TVP23C: variants seen among roughly 807,000 people sequenced by gnomAD.
TVP23C encodes the protein Golgi apparatus membrane protein TVP23 homolog C.
In TVP23C, 19 loss-of-function variants were observed where a neutral mutation model predicts 28.7. The observed-to-expected ratio is 0.66, with a 90% CI of 0.46 to 0.97. TVP23C has a LOEUF of 0.97. Ranked by LOEUF, TVP23C falls within the 50% of genes least tolerant of loss-of-function variation. The pLI, the probability that TVP23C is intolerant of heterozygous loss-of-function variation, is 0.00. For synonymous variants in TVP23C, 68 were observed against 81.7 expected, an observed-to-expected ratio of 0.83 and a Z score of 0.90; for missense variants, 186 against 241.3, an observed-to-expected ratio of 0.77 and a Z score of 1.52.
At chr17:15,503,271 G>C (rs1981569624) in intron 5 of TVP23C, 4 of 1,449,778 alleles carry the variant, frequency 2.8e-6, no homozygotes, top group Non-Finnish European at 3.6e-6. Context: ...GCCAGGTGTA[G>C]TGGCGCGCCT....
intron 1 of TVP23C, among the ~76,000 whole-genome samples, chr17:15,559,484 T>G (rs1270749913): frequency 6.7e-6 from 1 of 148,732 alleles, no homozygotes; most frequent in African/African-American, 2.4e-5. Context: ...AAAAAAGCAT[T>G]GAAAGGGAGA....
At chr17:15,540,704 T>C (rs1042766273) in intron 5 of TVP23C, 143 bp from the exon 6 acceptor site, 16 of 606,758 alleles carry the variant, frequency 2.6e-5, no homozygotes, top group South Asian at 2.4e-4. Context: ...AGTTGAGATT[T>C]TCCAGAGACA....
intron 5 of TVP23C, among the ~76,000 whole-genome samples, chr17:15,507,519 T>G (rs1373464417): frequency 6.6e-6 from 1 of 152,192 alleles, no homozygotes; most frequent in Non-Finnish European, 1.5e-5. Context: ...AGCTGGATTG[T>G]AGAGTTAAGT....
exon 6 of TVP23C, chr17:15,502,675 CCT>C: frequency 2.0e-6 from 2 of 1,024,556 alleles, no homozygotes; most frequent in Non-Finnish European, 2.7e-6. Flanking sequence ...GCCCTTTTCC[CCT>C]TAGTTTTACA....
intron 2 of TVP23C, among the ~76,000 whole-genome samples, chr17:15,555,053 G>GCACAGAA: frequency 6.6e-6 from 1 of 152,184 alleles, no homozygotes; most frequent in Non-Finnish European, 1.5e-5. Flanking sequence ...AAAAACACAG[G>GCACAGAA]TGTTCAAATA....
chr17:15,527,998 T>A (rs1181696119), intron 5 of TVP23C, among the ~76,000 whole-genome samples: 1 of 152,236 alleles, frequency 6.6e-6, no homozygotes, highest in East Asian at 1.9e-4. Flanking sequence ...ATTAGTGGTA[T>A]CTTTTCTTTC....
chr17:15,549,573 G>A (rs896325487), intron 3 of TVP23C, among the ~76,000 whole-genome samples: 3 of 152,070 alleles, frequency 2.0e-5, no homozygotes, highest in African/African-American at 7.3e-5. Context: ...CAGCTATCTA[G>A]GAGGGTGAGG....
chr17:15,518,174 A>C (rs1982314331), intron 5 of TVP23C, among the ~76,000 whole-genome samples: 1 of 151,382 alleles, frequency 6.6e-6, no homozygotes, highest in Admixed American at 6.6e-5. Flanking sequence ...TCTCAAAAAA[A>C]AAAAAAAAAA....
chr17:15,538,742 G>T lies in TVP23C; in HGVS notation c.*1670C>A, dbSNP rs551421804. 1.6e-5 allele frequency: 16 copies of T among 985,380 alleles called. No homozygotes were observed. Among genetic ancestry groups the T allele is most frequent in the Admixed American group, 6.1e-5 (1 of 16,282 alleles). The allele number at this position is 985,380 out of a possible 1,614,324, so 61.0% of individuals were successfully genotyped here. ...CTATCCATGTTATGCCAGGTTTAAG[G>T]TTTAATTTCACCTGTATTCCATGTT... On this transcript the variant is annotated 3_prime_UTR_variant, in exon 6 of 6. Transcript: ENST00000518321.
rs1597531521 is a variant in TVP23C at position 15,540,277 on chromosome 17, T to C, written c.*135A>G. On this transcript the variant is annotated 3_prime_UTR_variant, in exon 6 of 6. Coordinates refer to ENST00000518321, the MANE Select transcript of TVP23C (RefSeq NM_001135036.2). ...ACTGACAATACACTTCCAGACTGTCTTGAACACCCCCAAAGAGCAATTACA... is the reference window on the plus strand; with the variant it reads ...ACTGACAATACACTTCCAGACTGTCCTGAACACCCCCAAAGAGCAATTACA... 6 of 1,366,006 alleles carry C rather than the reference T, an allele frequency of 4.4e-6. No individual in the cohort carries two copies. The South Asian group carries it at 9.7e-5, about 22-fold the overall frequency. 84.6% of individuals were successfully genotyped at this position (1,366,006 alleles called of 1,614,324 possible). A position where few individuals can be genotyped will look rare whatever the true frequency, so the allele number is the denominator to read the frequency against.
chr17:15,539,643 G>T lies in TVP23C; in HGVS notation c.*769C>A, dbSNP rs1002505757. 3 of 983,322 alleles carry T rather than the reference G, an allele frequency of 3.1e-6. No homozygotes were observed. The highest frequency in any genetic ancestry group is 2.4e-6 in the Non-Finnish European group (2 of 828,862). 60.9% of individuals were successfully genotyped at this position (983,322 alleles called of 1,614,324 possible). A position where few individuals can be genotyped will look rare whatever the true frequency, so the allele number is the denominator to read the frequency against. ...AAAGACCTAGTCACTTTTCCCAAGA[G>T]ATTTAACCAATAATTATTTACCTAT... On this transcript the variant is annotated 3_prime_UTR_variant, in exon 6 of 6. Coordinates refer to ENST00000518321, the MANE Select transcript of TVP23C (RefSeq NM_001135036.2).
At chr17:15,524,780 G>C (rs1184813439) in intron 5 of TVP23C, among the ~76,000 whole-genome samples, 1 of 152,140 alleles carries the variant, frequency 6.6e-6, no homozygotes, top group Non-Finnish European at 1.5e-5. Context: ...GGAAGGTTTT[G>C]CTGCTTGAAA....
chr17:15,514,130 G>A (rs968242094), intron 5 of TVP23C, among the ~76,000 whole-genome samples: 2 of 152,220 alleles, frequency 1.3e-5, no homozygotes, highest in Non-Finnish European at 2.9e-5. Context: ...GACTTTCAAG[G>A]TGAATATGGC....
intron 5 of TVP23C, among the ~76,000 whole-genome samples, chr17:15,543,949 G>A (rs556637872): frequency 6.6e-6 from 1 of 152,096 alleles, no homozygotes; most frequent in East Asian, 1.9e-4. Flanking sequence ...TAAATGCAAA[G>A]ATTTAACAGA....
rs775720713 is a variant in TVP23C, at chr17:15,563,450, G to T, written c.-2C>A. 9 of 1,588,808 alleles carry T rather than the reference G, an allele frequency of 5.7e-6. No individual in the cohort carries two copies. The highest frequency in any genetic ancestry group is 7.7e-6 in the Non-Finnish European group (9 of 1,169,500). Reference sequence around the variant, plus strand: ...TCAGCCCCTCACCTGCTGCAACATGGCGGCCCTACGCCAGCCCTGCTTCCA... The same window carrying T: ...TCAGCCCCTCACCTGCTGCAACATGTCGGCCCTACGCCAGCCCTGCTTCCA... On this transcript the variant is annotated 5_prime_UTR_variant, in exon 1 of 6. Coordinates refer to ENST00000518321, the MANE Select transcript of TVP23C (RefSeq NM_001135036.2).
chr17:15,543,293 A>C (rs555727198), intron 5 of TVP23C, among the ~76,000 whole-genome samples: 48 of 150,458 alleles, frequency 3.2e-4, no homozygotes, highest in African/African-American at 1.1e-3. Context: ...ATTCACCCGC[A>C]CTAAACCAGC....
At chr17:15,507,686 A>C (rs1981821301) in intron 5 of TVP23C, among the ~76,000 whole-genome samples, 1 of 152,088 alleles carries the variant, frequency 6.6e-6, no homozygotes, top group African/African-American at 2.4e-5. Context: ...AAAATACAAA[A>C]AAATTAGCCG....
chr17:15,555,275 C>G lies in TVP23C; in HGVS notation c.95+7G>C. 1 of 1,613,980 alleles carries G rather than the reference C, an allele frequency of 6.2e-7. No homozygotes were observed. The highest frequency in any genetic ancestry group is 8.5e-7 in the Non-Finnish European group (1 of 1,179,852). On this transcript the variant is annotated splice_region_variant and intron_variant, in intron 2 of 5. Transcript: ENST00000518321. Reference sequence around the variant, plus strand: ...ACTAACACAGCTCATGCAACTTCTCCTCCTACCTGATTTTGGCTTTTCTTG... The same window carrying G: ...ACTAACACAGCTCATGCAACTTCTCGTCCTACCTGATTTTGGCTTTTCTTG...
chr17:15,551,503 T>G (rs962606753), intron 3 of TVP23C, among the ~76,000 whole-genome samples: 1 of 152,158 alleles, frequency 6.6e-6, no homozygotes, highest in Non-Finnish European at 1.5e-5. Flanking sequence ...CTTTAGCATT[T>G]AAGCATACCT....
Sources: gnomAD v4.1 joint callset for allele counts (sites outside exome capture counted in the v4.1 genomes callset) on GRCh38, gnomAD v4.1.1 for gene constraint, MANE v1.5 for transcripts, NCBI Gene and HGNC (gene_info 2026-07-23, HGNC 2026-07-21) for gene names.